SGPP2: variants seen among roughly 807,000 people sequenced by gnomAD.
SGPP2 encodes the protein sphingosine-1-phosphate phosphatase 2.
Under a neutral mutation model 33.9 loss-of-function variants are expected in SGPP2, and 30 were observed. The ratio of observed to expected loss-of-function variants is 0.89; its 90% CI spans 0.66 to 1.20. SGPP2 has a LOEUF of 1.20. SGPP2 is among the 50% of genes most tolerant of loss of function. SGPP2 has a pLI of 0.00. For missense variants in SGPP2, 458 were observed against 532.1 expected, an observed-to-expected ratio of 0.86 and a Z score of 1.37; for synonymous variants, 233 against 225.0, an observed-to-expected ratio of 1.04 and a Z score of -0.32.
intron 1 of SGPP2, among the ~76,000 whole-genome samples, chr2:222,437,706 A>T (rs1435897712): frequency 6.6e-6 from 1 of 152,162 alleles, no homozygotes; most frequent in Non-Finnish European, 1.5e-5. Flanking sequence ...GTCAGAAAGC[A>T]CCCAGTTCAT....
chr2:222,519,395 A>G (rs1698650652), intron 2 of SGPP2, among the ~76,000 whole-genome samples: 1 of 152,242 alleles, frequency 6.6e-6, no homozygotes, highest in South Asian at 2.1e-4. Context: ...ACTTAAGTAA[A>G]TATGTTGCTC....
At chr2:222,503,217 C>A (rs1243215577) in intron 2 of SGPP2, among the ~76,000 whole-genome samples, 3 of 152,142 alleles carry the variant, frequency 2.0e-5, no homozygotes, top group Admixed American at 6.5e-5. Flanking sequence ...GGGTGAAAAC[C>A]AAGAGCGTTG....
intron 4 of SGPP2, among the ~76,000 whole-genome samples, chr2:222,540,952 G>A (rs1698987367): frequency 1.3e-5 from 2 of 151,300 alleles, no homozygotes; most frequent in Admixed American, 1.3e-4. Flanking sequence ...CAAGTAGCTG[G>A]GACTACAGGC....
At chr2:222,424,908 C>T in intron 1 of SGPP2, 87 bp downstream of exon 1, 3 of 1,126,762 alleles carry the variant, frequency 2.7e-6, no homozygotes, top group Non-Finnish European at 3.4e-6. Flanking sequence ...CGGGGCCGGC[C>T]GGGCCGAGAG....
At chr2:222,510,128 G>T (rs1210062879) in intron 2 of SGPP2, among the ~76,000 whole-genome samples, 1 of 152,074 alleles carries the variant, frequency 6.6e-6, no homozygotes, top group Non-Finnish European at 1.5e-5. Flanking sequence ...ATGGACATTT[G>T]GGTTGTTTAA....
Position 222,490,604 on chromosome 2 carries a change from ATTTTTTTT to A in SGPP2, c.378+15892_378+15899del, listed in dbSNP as rs60235375. ...AGGTACAAGCCAACACACCTGGCTAATTTTTTTTTTTTTTTTTTTTTGTAAAGGCAAGG... is the reference window on the plus strand; with the variant it reads ...AGGTACAAGCCAACACACCTGGCTAATTTTTTTTTTTTTGTAAAGGCAAGG... On this transcript the variant is annotated intron_variant, in intron 2 of 4. Coordinates refer to ENST00000321276, the MANE Select transcript of SGPP2 (RefSeq NM_152386.4). 1.5e-4 allele frequency among the ~76,000 whole-genome samples: 17 copies of A among 115,464 alleles called. No homozygotes were observed. In the South Asian group the frequency reaches 1.9e-3, roughly 13 times the overall value. 75.7% of individuals were successfully genotyped at this position (115,464 alleles called of 152,430 possible).
rs912256270 is a variant in SGPP2, at chr2:222,550,405, G to A, written c.649-7942G>A. Among the ~76,000 whole-genome samples the A allele has an allele frequency of 1.3e-5, 2 of 152,116 alleles. No individual in the cohort carries two copies. Among genetic ancestry groups the A allele is most frequent in the African/African-American group, 2.4e-5 (1 of 41,428 alleles). On this transcript the variant is annotated intron_variant, in intron 4 of 4. Transcript: ENST00000321276. This position sits in a 1 kb window ranked among gnomAD's most constrained non-coding sequence, Gnocchi z 4.5. ...CAGGTATTGACTAGAAAATTTGGAA[G>A]ATCCTGGAGTATAGAGAAGATAATA...
intron 2 of SGPP2, among the ~76,000 whole-genome samples, chr2:222,489,125 A>T (rs563803341): frequency 2.0e-5 from 3 of 152,332 alleles, no homozygotes; most frequent in East Asian, 3.9e-4. Flanking sequence ...TTAATTGAGG[A>T]TCTAGACAAA....
chr2:222,539,457 G>A (rs1470839548), intron 4 of SGPP2, among the ~76,000 whole-genome samples: 1 of 152,208 alleles, frequency 6.6e-6, no homozygotes, highest in Non-Finnish European at 1.5e-5. Flanking sequence ...AGCTTGGGGA[G>A]CACAGAGATC....
intron 4 of SGPP2, among the ~76,000 whole-genome samples, chr2:222,531,564 G>T (rs564779413): frequency 6.6e-6 from 1 of 152,162 alleles, no homozygotes; most frequent in African/African-American, 2.4e-5. Flanking sequence ...TGTGTATAGA[G>T]TTTCAGTTTT....
chr2:222,431,726 G>A (rs1470318514), intron 1 of SGPP2, among the ~76,000 whole-genome samples: 2 of 152,102 alleles, frequency 1.3e-5, no homozygotes, highest in African/African-American at 2.4e-5. Context: ...CAGAGCTGAG[G>A]CCCTTAGCAA....
rs1697983863 is a variant in SGPP2, at chr2:222,478,490, C to T, written c.378+3764C>T. 1.3e-5 allele frequency among the ~76,000 whole-genome samples: 2 copies of T among 152,140 alleles called. 1 individual carries two copies. The highest frequency in any genetic ancestry group is 4.1e-4 in the South Asian group (2 of 4,826). The stretch of plus-strand genomic sequence containing the variant: ...TGGGCCAGCCAGGGCAATCAGCTTC[C>T]TGCTGAGGCAGCCTTTCTTCAGAAA... On this transcript the variant is annotated intron_variant, in intron 2 of 4. Transcript: ENST00000321276.
chr2:222,531,759 G>A (rs1020864188), intron 4 of SGPP2, among the ~76,000 whole-genome samples: 5 of 152,050 alleles, frequency 3.3e-5, no homozygotes, highest in African/African-American at 9.7e-5. Flanking sequence ...AAGCTCCCCC[G>A]TTGATTTTAA....
In SGPP2 at chr2:222,558,760, C is replaced by T; in HGVS notation, c.1062C>T (p.Phe354=). The change falls in exon 5 of 5, where the codon TTC becomes TTT. Residue 354 remains phenylalanine, a synonymous_variant. Coordinates refer to ENST00000321276, the MANE Select transcript of SGPP2 (RefSeq NM_152386.4). ...CACTGCAAGTATTATACTCATGGTT[C>T]AAGGTGGTCACCAGGAACAAGGAGG... The part of the protein sequence containing the change: ...NLSLQVLYSW[F]KVVTRNKEAR... 1.9e-6 allele frequency: 3 copies of T among 1,614,164 alleles called. No homozygotes were observed. Among genetic ancestry groups the T allele is most frequent in the Non-Finnish European group, 1.7e-6 (2 of 1,180,040 alleles).
intron 1 of SGPP2, among the ~76,000 whole-genome samples, chr2:222,442,488 T>C (rs914903821): frequency 2.0e-5 from 3 of 152,226 alleles, no homozygotes; most frequent in Non-Finnish European, 4.4e-5. Flanking sequence ...TCTCCCTTTT[T>C]TGATTTTGTT....
At position 222,477,796 on chromosome 2, in the gene SGPP2, C is replaced by CT. The variant is rs1697970513; in HGVS notation, c.378+3071dup. The stretch of plus-strand genomic sequence containing the variant: ...TAGAAGGCTGTGGCTAGGGGACACT[C>CT]TCGTTGCCATTATTGGTGGTTATTT... On this transcript the variant is annotated intron_variant, in intron 2 of 4. Coordinates refer to ENST00000321276, the MANE Select transcript of SGPP2 (RefSeq NM_152386.4). The surrounding 1 kb of genome is among the most constrained non-coding windows in gnomAD (Gnocchi z 6.0). Among the ~76,000 whole-genome samples, 1 of 152,102 alleles carries CT rather than the reference C, an allele frequency of 6.6e-6. No homozygotes were observed. The highest frequency in any genetic ancestry group is 1.5e-5 in the Non-Finnish European group (1 of 68,024).
intron 2 of SGPP2, among the ~76,000 whole-genome samples, chr2:222,518,820 G>T (rs1440811684): frequency 6.6e-6 from 1 of 152,178 alleles, no homozygotes; most frequent in East Asian, 1.9e-4. Context: ...CTGTGCACAG[G>T]GAGTGGTTCT....
At chr2:222,484,668 A>G (rs538404852) in intron 2 of SGPP2, among the ~76,000 whole-genome samples, 22 of 152,128 alleles carry the variant, frequency 1.4e-4, no homozygotes, top group Non-Finnish European at 3.2e-4. Flanking sequence ...GAGCATCCTG[A>G]TATGGCAGAG....
rs1005283499 is a variant in SGPP2 at position 222,559,196 on chromosome 2, G to A, written c.*298G>A. On this transcript the variant is annotated 3_prime_UTR_variant, in exon 5 of 5. Coordinates refer to ENST00000321276, the MANE Select transcript of SGPP2 (RefSeq NM_152386.4). The stretch of plus-strand genomic sequence containing the variant: ...CCCCCGCCCGGCCCCTGCTCCTCTC[G>A]CTGTTGCACGGGCTTTGGATCTAGT... The A allele has an allele frequency of 2.9e-5, 5 of 170,004 alleles. No individual in the cohort carries two copies. The highest frequency in any genetic ancestry group is 9.7e-5 in the East Asian group (1 of 10,300). 10.5% of individuals were successfully genotyped at this position (170,004 alleles called of 1,614,324 possible).
Sources: gnomAD v4.1 joint callset for allele counts (sites outside exome capture counted in the v4.1 genomes callset) on GRCh38, gnomAD v4.1.1 for gene constraint, Gnocchi (gnomAD v3.1) non-coding constraint, MANE v1.5 for transcripts, NCBI Gene and HGNC (gene_info 2026-07-23, HGNC 2026-07-21) for gene names.